The following RASAL2 variants were observed in gnomAD, a reference collection of about 807,000 sequenced individuals.
RASAL2 encodes RAS protein activator like 2, also known as ras GTPase-activating protein nGAP.
Under a neutral mutation model 128.9 loss-of-function variants are expected in RASAL2, and 58 were observed. The ratio of observed to expected loss-of-function variants is 0.45; its 90% CI spans 0.36 to 0.56. The LOEUF (loss-of-function observed/expected upper bound fraction) is 0.56, where lower values mean the gene tolerates loss of function less well. Among genes scored for constraint, RASAL2 ranks in the 20% least tolerant of loss-of-function variants. RASAL2 has a pLI of 0.00. For missense variants in RASAL2, 1,360 were observed against 1,601.6 expected (o/e 0.85, Z 2.57); for synonymous variants, 561 against 580.8 (o/e 0.97, Z 0.49).
intron 3 of RASAL2, among the ~76,000 whole-genome samples, chr1:178,304,657 G>A (rs1667912724): frequency 6.6e-6 from 1 of 152,162 alleles, no homozygotes. Context: ...AGTGTGATAA[G>A]GAAATCAAAA....
chr1:178,241,957 C>T (rs570796570), intron 1 of RASAL2, among the ~76,000 whole-genome samples: 4 of 152,310 alleles, frequency 2.6e-5, no homozygotes, highest in African/African-American at 7.2e-5. Context: ...ATTTTTTGCT[C>T]ATGCAGGGAG....
At chr1:178,328,398 T>C (rs892012148) in intron 3 of RASAL2, among the ~76,000 whole-genome samples, 1 of 152,224 alleles carries the variant, frequency 6.6e-6, no homozygotes, top group African/African-American at 2.4e-5. Flanking sequence ...TAATCATTTC[T>C]TTGTATTATG....
chr1:178,164,043 G>C (rs1661428356), intron 1 of RASAL2, among the ~76,000 whole-genome samples: 1 of 152,072 alleles, frequency 6.6e-6, no homozygotes, highest in African/African-American at 2.4e-5. Flanking sequence ...AAATAATAAA[G>C]CATATATGGC....
intron 2 of RASAL2, among the ~76,000 whole-genome samples, chr1:178,294,902 G>A (rs557576122): frequency 3.1e-4 from 47 of 152,308 alleles, no homozygotes; most frequent in Non-Finnish European, 5.3e-4. Context: ...GAAAGACTAC[G>A]TAAGTTTTCC....
At chr1:178,250,651 G>C (rs2815288) in intron 1 of RASAL2, among the ~76,000 whole-genome samples, 93,229 of 152,092 alleles carry the variant, frequency 0.61, 31,976 homozygotes, top group East Asian at 0.8. Context: ...CTTCTGCGTT[G>C]GTCTCGCTGG....
chr1:178,231,211 GCCTGGTGGTCACCTGACATT>G (rs1663995364), intron 1 of RASAL2, among the ~76,000 whole-genome samples: 1 of 151,836 alleles, frequency 6.6e-6, no homozygotes, highest in African/African-American at 2.4e-5. Flanking sequence ...CACCTGACAT[GCCTGGTGGTCACCTGACATT>G]CCTGGTGGGG....
intron 1 of RASAL2, among the ~76,000 whole-genome samples, chr1:178,279,725 A>G (rs1666692435): frequency 6.6e-6 from 1 of 152,198 alleles, no homozygotes; most frequent in African/African-American, 2.4e-5. Context: ...CTTCAGGGAA[A>G]CAACCAAGAG....
At chr1:178,334,611 G>A (rs1345946280) in intron 3 of RASAL2, among the ~76,000 whole-genome samples, 4 of 152,150 alleles carry the variant, frequency 2.6e-5, no homozygotes, top group Admixed American at 6.5e-5. Context: ...CCAGAGTGCT[G>A]GGATTACAGG....
At chr1:178,288,275 TAAG>T (rs1415692118) in intron 2 of RASAL2, among the ~76,000 whole-genome samples, 5 of 152,218 alleles carry the variant, frequency 3.3e-5, no homozygotes, top group South Asian at 2.1e-4. Context: ...GAATAATTTC[TAAG>T]AAGATGTTTT....
At position 178,361,001 on chromosome 1, in the gene RASAL2, A is replaced by G. The variant is rs767192469; in HGVS notation, c.458-29099A>G. 2.6e-4 allele frequency among the ~76,000 whole-genome samples: 39 copies of G among 152,362 alleles called. 1 individual carries two copies. The highest frequency in any genetic ancestry group is 1.2e-3 in the Admixed American group (19 of 15,302). On this transcript the variant is annotated intron_variant, in intron 3 of 17. Transcript: ENST00000367649. The stretch of plus-strand genomic sequence containing the variant: ...ATATGAAGTTAAATTTTCTATTGAT[A>G]TAATATTTAAGAAGTATAGACCATG...
Position 178,477,322 on chromosome 1 carries a change from TA to T in RASAL2, c.*4087del, listed in dbSNP as rs1648743390. The T allele has an allele frequency of 6.6e-6, 1 of 152,222 alleles. No homozygotes were observed. The highest frequency in any genetic ancestry group is 2.4e-5 in the African/African-American group (1 of 41,460). 9.4% of individuals were successfully genotyped at this position (152,222 alleles called of 1,614,324 possible). Reference sequence around the variant, plus strand: ...GCGTCAGTTGAAGGATTTAGTTTCTTAAAAGCAAGAAATGTTGGAGTGTTGA... The same window carrying T: ...GCGTCAGTTGAAGGATTTAGTTTCTTAAAGCAAGAAATGTTGGAGTGTTGA... On this transcript the variant is annotated 3_prime_UTR_variant, in exon 18 of 18. Transcript: ENST00000367649.
chr1:178,136,478 A>T (rs199965700), intron 1 of RASAL2, among the ~76,000 whole-genome samples: 1 of 152,134 alleles, frequency 6.6e-6, no homozygotes, highest in Non-Finnish European at 1.5e-5. Context: ...GGACTTGGCC[A>T]GGTGTGGTGG....
chr1:178,143,099 C>T (rs140874546), intron 1 of RASAL2, among the ~76,000 whole-genome samples: 1 of 152,008 alleles, frequency 6.6e-6, no homozygotes, highest in East Asian at 1.9e-4. Flanking sequence ...GGAAGGAACA[C>T]ATATTCAAAC....
At chr1:178,396,798 A>G (rs1367159020) in intron 4 of RASAL2, among the ~76,000 whole-genome samples, 1 of 149,676 alleles carries the variant, frequency 6.7e-6, no homozygotes, top group Non-Finnish European at 1.5e-5. Flanking sequence ...TCAATACAAA[A>G]TTTTTTGTCA....
At chr1:178,283,436 A>C in intron 1 of RASAL2, 128 bp from the exon 2 acceptor site, 4 of 1,194,494 alleles carry the variant, frequency 3.3e-6, no homozygotes, top group South Asian at 3.3e-5. Flanking sequence ...GGAAGCTTTA[A>C]ATTTACCATT....
At chr1:178,119,063 TCACCATGTTGGCCAGGTTGG>T (rs1473539641) in intron 1 of RASAL2, among the ~76,000 whole-genome samples, 1 of 152,146 alleles carries the variant, frequency 6.6e-6, no homozygotes, top group Non-Finnish European at 1.5e-5. Flanking sequence ...AGACAGGGTT[TCACCATGTTGGCCAGGTTGG>T]TCTCGAACTC....
chr1:178,273,137 G>C (rs1218360308), intron 1 of RASAL2, among the ~76,000 whole-genome samples: 1 of 152,166 alleles, frequency 6.6e-6, no homozygotes, highest in Admixed American at 6.5e-5. Flanking sequence ...TCATGATTAT[G>C]TTAAGGGTTT....
chr1:178,453,887 A>G (rs1572103460), intron 11 of RASAL2, among the ~76,000 whole-genome samples: 1 of 152,062 alleles, frequency 6.6e-6, no homozygotes, highest in East Asian at 1.9e-4. Context: ...AATTTTGTAT[A>G]ATTTATATAT....
chr1:178,171,801 T>C (rs981144152), intron 1 of RASAL2, among the ~76,000 whole-genome samples: 1 of 152,044 alleles, frequency 6.6e-6, no homozygotes, highest in African/African-American at 2.4e-5. Context: ...TATGGGAATA[T>C]ACCATGAGTA....
Sources: gnomAD v4.1 joint callset for allele counts (sites outside exome capture counted in the v4.1 genomes callset) on GRCh38, gnomAD v4.1.1 for gene constraint, MANE v1.5 for transcripts, NCBI Gene and HGNC (gene_info 2026-07-23, HGNC 2026-07-21) for gene names.